Variants in RBFOX1 observed in about 807,000 individuals in gnomAD.
RBFOX1 encodes the protein RNA binding protein fox-1 homolog 1.
Under a neutral mutation model 57.7 loss-of-function variants are expected in RBFOX1, and 8 were observed. The observed-to-expected ratio is 0.14, with a 90% CI of 0.08 to 0.25. The LOEUF is 0.25. Ranked by LOEUF, RBFOX1 falls within the 10% of genes least tolerant of loss-of-function variation. RBFOX1 has a pLI of 1.00. For missense variants in RBFOX1, 611 were observed against 548.5 expected, an observed-to-expected ratio of 1.11 and a Z score of -1.14; for synonymous variants, 326 against 222.4, an observed-to-expected ratio of 1.47 and a Z score of -4.15.
chr16:7,105,169 C>T (rs923290737), intron 4 of RBFOX1, among the ~76,000 whole-genome samples: 3 of 152,150 alleles, frequency 2.0e-5, no homozygotes, highest in Admixed American at 1.3e-4. Flanking sequence ...AAGTATAGGC[C>T]CATCCATTAA....
chr16:6,982,514 G>C (rs2089197849), intron 3 of RBFOX1, among the ~76,000 whole-genome samples: 1 of 152,134 alleles, frequency 6.6e-6, no homozygotes, highest in Non-Finnish European at 1.5e-5. Flanking sequence ...AGTAGTCTCA[G>C]ACGGCCTCGC....
chr16:7,246,900 C>T (rs1349275420), intron 4 of RBFOX1, among the ~76,000 whole-genome samples: 2 of 152,114 alleles, frequency 1.3e-5, no homozygotes, highest in Admixed American at 6.5e-5. Context: ...GAAAGTTATA[C>T]AACCTCCCTA....
intron 1 of RBFOX1, among the ~76,000 whole-genome samples, chr16:5,414,940 C>T (rs891899107): frequency 2.0e-5 from 3 of 152,094 alleles, no homozygotes; most frequent in Non-Finnish European, 2.9e-5. Context: ...CTGTTTTTTA[C>T]CCTTGGTGGA....
chr16:6,929,661 C>G (rs1411176298), intron 3 of RBFOX1, among the ~76,000 whole-genome samples: 1 of 152,084 alleles, frequency 6.6e-6, no homozygotes, highest in Non-Finnish European at 1.5e-5. Context: ...AGAGTTATAT[C>G]CAGCTTGCAT....
At chr16:5,751,783 C>G (rs763685047) in intron 3 of RBFOX1, among the ~76,000 whole-genome samples, 1 of 152,186 alleles carries the variant, frequency 6.6e-6, no homozygotes, top group Non-Finnish European at 1.5e-5. Flanking sequence ...CAAACCTCAA[C>G]TATATTAAAC....
chr16:6,319,774 C>T (rs1241591695), intron 2 of RBFOX1, among the ~76,000 whole-genome samples: 2 of 152,128 alleles, frequency 1.3e-5, no homozygotes, highest in South Asian at 2.1e-4. Flanking sequence ...GTAGCAGGGT[C>T]GGTGTTGGAA....
intron 3 of RBFOX1, among the ~76,000 whole-genome samples, chr16:5,860,491 C>T (rs193193439): frequency 5.3e-5 from 8 of 152,204 alleles, no homozygotes; most frequent in Non-Finnish European, 8.8e-5. Context: ...TAAGAACTCA[C>T]AACCTGTTGC....
At chr16:6,640,903 A>G (rs767001872) in intron 2 of RBFOX1, among the ~76,000 whole-genome samples, 2 of 152,144 alleles carry the variant, frequency 1.3e-5, no homozygotes, top group East Asian at 1.9e-4. Flanking sequence ...GAACAGCACC[A>G]GAAACCCCAG....
intron 3 of RBFOX1, among the ~76,000 whole-genome samples, chr16:5,807,555 A>G (rs1437625299): frequency 5.3e-5 from 8 of 152,164 alleles, no homozygotes; most frequent in Non-Finnish European, 1.0e-4. Flanking sequence ...AGGGCTCATT[A>G]TAGCCTCGTT....
intron 2 of RBFOX1, among the ~76,000 whole-genome samples, chr16:5,580,462 T>C (rs555265997): frequency 6.6e-6 from 1 of 152,312 alleles, no homozygotes; most frequent in African/African-American, 2.4e-5. Flanking sequence ...ATGGCCCCAC[T>C]TCACCGCCTG....
chr16:7,209,830 C>G lies in RBFOX1; in HGVS notation c.27+157732C>G, dbSNP rs966405643. Among the ~76,000 whole-genome samples, 37 of 152,068 alleles carry G rather than the reference C, an allele frequency of 2.4e-4. 1 individual carries two copies. On this transcript the variant is annotated intron_variant, in intron 4 of 15. Coordinates refer to ENST00000550418, the MANE Select transcript of RBFOX1 (RefSeq NM_018723.4). Reference sequence around the variant, plus strand: ...TGGATGATGCAATAGATGAATGAGACAAGAGTCTCTCCAGGGAAGCTGAAG... The same window carrying G: ...TGGATGATGCAATAGATGAATGAGAGAAGAGTCTCTCCAGGGAAGCTGAAG...
At chr16:7,020,910 T>A (rs2153671758) in intron 3 of RBFOX1, among the ~76,000 whole-genome samples, 1 of 152,330 alleles carries the variant, frequency 6.6e-6, no homozygotes, top group East Asian at 1.9e-4. Flanking sequence ...GCAAATCGCT[T>A]GAGGCCAGGA....
chr16:7,429,311 T>G (rs1279124935), intron 4 of RBFOX1, among the ~76,000 whole-genome samples: 3 of 152,216 alleles, frequency 2.0e-5, no homozygotes, highest in African/African-American at 7.2e-5. Context: ...TCTCAAGGAC[T>G]TGGCACAAGC....
At chr16:6,918,163 T>G (rs922088195) in intron 3 of RBFOX1, among the ~76,000 whole-genome samples, 3 of 151,920 alleles carry the variant, frequency 2.0e-5, no homozygotes, top group African/African-American at 7.3e-5. Flanking sequence ...TAGCCTGTAG[T>G]CCCAGCTACT....
At chr16:6,569,691 C>G (rs2097317499) in intron 2 of RBFOX1, among the ~76,000 whole-genome samples, 1 of 152,162 alleles carries the variant, frequency 6.6e-6, no homozygotes, top group South Asian at 2.1e-4. Flanking sequence ...CTGTGAGTAC[C>G]TTGACAATAA....
chr16:5,419,322 T>A (rs962936034), intron 1 of RBFOX1, among the ~76,000 whole-genome samples: 6 of 152,064 alleles, frequency 3.9e-5, no homozygotes, highest in African/African-American at 1.4e-4. Flanking sequence ...GCTGAAGAAC[T>A]TGGAGTCTGA....
chr16:6,646,835 T>G (rs143314411), intron 2 of RBFOX1, among the ~76,000 whole-genome samples: 1 of 152,244 alleles, frequency 6.6e-6, no homozygotes, highest in African/African-American at 2.4e-5. Flanking sequence ...GGGGTGTTTT[T>G]CCTGACTCAG....
intron 1 of RBFOX1, among the ~76,000 whole-genome samples, chr16:5,439,438 G>C (rs2068016612): frequency 6.6e-6 from 1 of 152,096 alleles, no homozygotes; most frequent in South Asian, 2.1e-4. Flanking sequence ...AGTAAAAATA[G>C]CTCAGCTGTT....
intron 4 of RBFOX1, among the ~76,000 whole-genome samples, chr16:7,235,132 G>A (rs1008108596): frequency 1.3e-5 from 2 of 152,180 alleles, no homozygotes; most frequent in Non-Finnish European, 1.5e-5. Context: ...CTACACATCG[G>A]TAGTAGTCAC....
Sources: gnomAD v4.1 joint callset for allele counts (sites outside exome capture counted in the v4.1 genomes callset) on GRCh38, gnomAD v4.1.1 for gene constraint, MANE v1.5 for transcripts, NCBI Gene and HGNC (gene_info 2026-07-23, HGNC 2026-07-21) for gene names.